JAK2: variants seen among roughly 807,000 people sequenced by gnomAD.
JAK2 encodes Janus kinase 2.
JAK2 carries 86 observed loss-of-function variants against 139.3 expected under a neutral mutation model. The ratio of observed to expected loss-of-function variants is 0.62; its 90% CI spans 0.52 to 0.74. The LOEUF (loss-of-function observed/expected upper bound fraction) is 0.74. JAK2 is among the 30% of genes least tolerant of loss of function. The pLI, the probability that JAK2 is intolerant of heterozygous loss-of-function variation, is 0.00. For synonymous variants in JAK2, 490 were observed against 437.7 expected (o/e 1.12, Z -1.49); for missense variants, 1,421 against 1,360.3 (o/e 1.04, Z -0.70).
At chr9:5,094,116 T>G (rs1344100389) in intron 22 of JAK2, 1 of 152,144 alleles carries the variant, frequency 6.6e-6, no homozygotes. Context: ...ATAATTAACC[T>G]TTTCCTACTT....
chr9:5,058,045 T>C (rs982480842), intron 8 of JAK2, among the ~76,000 whole-genome samples: 4 of 152,208 alleles, frequency 2.6e-5, no homozygotes, highest in Admixed American at 6.5e-5. Flanking sequence ...AATATATGTA[T>C]GTATTCTGTG....
intron 2 of JAK2, among the ~76,000 whole-genome samples, chr9:5,010,019 G>A (rs141808791): frequency 9.4e-4 from 143 of 152,230 alleles, no homozygotes; most frequent in African/African-American, 3.3e-3. Context: ...CGATCCTCTC[G>A]CCTTGGACTT....
chr9:5,103,291 C>G (rs1186513570), intron 22 of JAK2, among the ~76,000 whole-genome samples: 1 of 97,188 alleles, frequency 1.0e-5, no homozygotes, highest in Non-Finnish European at 2.0e-5. Context: ...AAAAAAAAGA[C>G]TTTAAGCCAA....
Position 5,121,192 on chromosome 9 carries a change from A to G in JAK2, c.3060-1812A>G, listed in dbSNP as rs145311690. 5.8e-3 allele frequency among the ~76,000 whole-genome samples: 878 copies of G among 152,272 alleles called. 9 individuals are homozygous for G. Among genetic ancestry groups the G allele is most frequent in the African/African-American group, 0.02 (840 of 41,560 alleles). ...TTTCCACAAAGATAGAAGGAAAACAATTTTATGATTGAGTAAGCATTAGAG... is the reference window on the plus strand; with the variant it reads ...TTTCCACAAAGATAGAAGGAAAACAGTTTTATGATTGAGTAAGCATTAGAG... On this transcript the variant is annotated intron_variant, in intron 22 of 24. Coordinates refer to ENST00000381652, the MANE Select transcript of JAK2 (RefSeq NM_004972.4).
At chr9:5,124,251 T>G (rs1351884982) in intron 23 of JAK2, among the ~76,000 whole-genome samples, 1 of 151,952 alleles carries the variant, frequency 6.6e-6, no homozygotes, top group Non-Finnish European at 1.5e-5. Context: ...TTGTTGCCTA[T>G]GCTTTTGAGG....
At position 5,062,554 on chromosome 9, in the gene JAK2, AAAGGG is replaced by A. The variant is rs1818266536; in HGVS notation, c.1057-2325_1057-2321del. Among the ~76,000 whole-genome samples, 4 of 151,040 alleles carry A rather than the reference AAAGGG, an allele frequency of 2.6e-5. No individual in the cohort carries two copies. In the South Asian group the frequency reaches 8.3e-4, roughly 31 times the overall value. On this transcript the variant is annotated intron_variant, in intron 8 of 24. Transcript: ENST00000381652. ...AAAGGTCATATCTGCAAGGAGCAAT[AAAGGG>A]AAGTGCAGTAAAACAAAATGTGTCT... is the stretch of plus-strand genomic sequence containing the variant.
At chr9:5,096,866 C>T (rs1327557307) in intron 22 of JAK2, 2 of 152,152 alleles carry the variant, frequency 1.3e-5, no homozygotes, top group Non-Finnish European at 2.9e-5. Context: ...TCATAATCTT[C>T]TTTATGGTCA....
At position 5,070,871 on chromosome 9, in the gene JAK2, TA is replaced by T. The variant is rs763166168; in HGVS notation, c.1641+823del. ...AGGGGGTTAAGATTTAAGAGCAATT[TA>T]AAAGGGCCAGGTCTCAGACCTGTGC... On this transcript the variant is annotated intron_variant, in intron 12 of 24. Transcript: ENST00000381652. Among the ~76,000 whole-genome samples, 239 of 152,162 alleles carry T rather than the reference TA, an allele frequency of 1.6e-3. 1 individual carries two copies. The highest frequency in any genetic ancestry group is 3.4e-3 in the Middle Eastern group (1 of 294).
intron 2 of JAK2, among the ~76,000 whole-genome samples, chr9:4,995,056 A>G (rs947860983): frequency 5.9e-5 from 9 of 152,230 alleles, no homozygotes; most frequent in African/African-American, 2.2e-4. Flanking sequence ...TAGAAATACC[A>G]AGTTATGCTT....
chr9:5,054,309 G>A lies in JAK2; in HGVS notation c.615-254G>A, dbSNP rs191385520. Reference sequence around the variant, plus strand: ...CTAGACTGAGGATTCATTTCATTAGGGGAAGAAGATTAACATCTTCTTTTG... The same window carrying A: ...CTAGACTGAGGATTCATTTCATTAGAGGAAGAAGATTAACATCTTCTTTTG... On this transcript the variant is annotated intron_variant, in intron 6 of 24. Transcript: ENST00000381652. This position sits in a 1 kb window ranked among gnomAD's most constrained non-coding sequence, Gnocchi z 4.9. Among the ~76,000 whole-genome samples the A allele has an allele frequency of 3.2e-4, 48 of 152,056 alleles. No individual in the cohort carries two copies. In the East Asian group the frequency reaches 9.3e-3, roughly 29 times the overall value.
At chr9:5,117,982 C>A (rs180747390) in intron 22 of JAK2, among the ~76,000 whole-genome samples, 69 of 152,230 alleles carry the variant, frequency 4.5e-4, no homozygotes, top group African/African-American at 1.6e-3. Context: ...AAATTGATAG[C>A]TAATTTTTTT....
chr9:5,129,489 A>G lies in JAK2; in HGVS notation c.*2698A>G, dbSNP rs113267941. Among the ~76,000 whole-genome samples, 1 of 152,216 alleles carries G rather than the reference A, an allele frequency of 6.6e-6. No homozygotes were observed. The highest frequency in any genetic ancestry group is 2.4e-5 in the African/African-American group (1 of 41,548). On this transcript the variant is annotated 3_prime_UTR_variant, in exon 25 of 25. Transcript: ENST00000381652. Reference sequence around the variant, plus strand: ...AATTATTTCTCATGAAAGTTTCTCTAATATTTCTAATGAAAGTTTCTCTAA... The same window carrying G: ...AATTATTTCTCATGAAAGTTTCTCTGATATTTCTAATGAAAGTTTCTCTAA...
intron 19 of JAK2, chr9:5,085,419 G>A: frequency 2.6e-6 from 2 of 755,128 alleles, no homozygotes; most frequent in Admixed American, 3.5e-5. Flanking sequence ...CTTTACAACT[G>A]TTGGCTATCA....
intron 2 of JAK2, among the ~76,000 whole-genome samples, chr9:5,011,037 T>G (rs1821669141): frequency 6.6e-6 from 1 of 152,248 alleles, no homozygotes; most frequent in South Asian, 2.1e-4. Flanking sequence ...TGACTGCTTT[T>G]AAGATTATCT....
At chr9:5,033,279 C>G (rs911658071) in intron 4 of JAK2, among the ~76,000 whole-genome samples, 1 of 151,442 alleles carries the variant, frequency 6.6e-6, no homozygotes, top group African/African-American at 2.4e-5. Context: ...ATTGGTGTAC[C>G]TGATGGGGAG....
At chr9:5,041,713 A>G (rs928248252) in intron 4 of JAK2, 5 of 503,520 alleles carry the variant, frequency 9.9e-6, no homozygotes, top group Non-Finnish European at 2.0e-5. Context: ...GACTCTGAGT[A>G]CGAGGGGCTC....
chr9:5,074,803 A>G (rs1207964737), intron 14 of JAK2, among the ~76,000 whole-genome samples: 1 of 152,214 alleles, frequency 6.6e-6, no homozygotes, highest in Non-Finnish European at 1.5e-5. Context: ...GCAGTTATCC[A>G]GAAGATCTAG....
chr9:5,042,981 G>C (rs7033052), intron 4 of JAK2, among the ~76,000 whole-genome samples: 97,419 of 152,024 alleles, frequency 0.64, 33,111 homozygotes, highest in African/African-American at 0.89. Context: ...ACCCTCAGAA[G>C]CTGAGGGGGG....
intron 8 of JAK2, among the ~76,000 whole-genome samples, chr9:5,064,210 G>T (rs1415822303): frequency 6.6e-6 from 1 of 152,044 alleles, no homozygotes; most frequent in Non-Finnish European, 1.5e-5. Context: ...ATTTTAGTTT[G>T]TAGCATGAAT....
Sources: gnomAD v4.1 joint callset for allele counts (sites outside exome capture counted in the v4.1 genomes callset) on GRCh38, gnomAD v4.1.1 for gene constraint, Gnocchi (gnomAD v3.1) non-coding constraint, MANE v1.5 for transcripts, NCBI Gene and HGNC (gene_info 2026-07-23, HGNC 2026-07-21) for gene names.